Variants in SLC12A1 observed in about 807,000 individuals in gnomAD.
SLC12A1 encodes Na-K-2Cl cotransporter.
In SLC12A1, 89 loss-of-function variants were observed where a neutral mutation model predicts 130.4. The ratio of observed to expected loss-of-function variants is 0.68; its 90% CI spans 0.58 to 0.81. The LOEUF (loss-of-function observed/expected upper bound fraction) is 0.81, where lower values mean the gene tolerates loss of function less well. SLC12A1 is among the 40% of genes least tolerant of loss of function. The pLI is 0.00. For missense variants in SLC12A1, 1,310 were observed against 1,336.4 expected, an observed-to-expected ratio of 0.98 and a Z score of 0.31; for synonymous variants, 499 against 460.0, an observed-to-expected ratio of 1.08 and a Z score of -1.09.
chr15:48,301,419 T>C, intron 26 of SLC12A1, 37 bp downstream of exon 26: 1 of 1,425,958 alleles, frequency 7.0e-7, no homozygotes, highest in African/African-American at 1.4e-5. Context: ...ACATTAGAAA[T>C]AAATCTTAGG....
Position 48,262,140 on chromosome 15 carries a change from G to C in SLC12A1, c.2154+2829G>C, listed in dbSNP as rs145292340. Among the ~76,000 whole-genome samples, 740 of 152,166 alleles carry C rather than the reference G, an allele frequency of 4.9e-3. 8 individuals carry two copies. Among genetic ancestry groups the C allele is most frequent in the Middle Eastern group, 0.044 (13 of 294 alleles). On this transcript the variant is annotated intron_variant, in intron 17 of 26. Transcript: ENST00000380993. ...CTAAAGCATGCCTTCTTAGAAAAAT[G>C]AGGTCCAGACACTGGATTTTGAACT...
chr15:48,292,542 G>A (rs1431979419), intron 24 of SLC12A1, among the ~76,000 whole-genome samples: 1 of 152,158 alleles, frequency 6.6e-6, no homozygotes, highest in Non-Finnish European at 1.5e-5. Context: ...AGCTCAGGCT[G>A]CTATACCAAA....
intron 9 of SLC12A1, among the ~76,000 whole-genome samples, chr15:48,238,764 T>C (rs1477047376): frequency 6.6e-6 from 1 of 152,174 alleles, no homozygotes; most frequent in Non-Finnish European, 1.5e-5. Flanking sequence ...TGATCTCCGC[T>C]CACAGCCTCA....
intron 18 of SLC12A1, among the ~76,000 whole-genome samples, chr15:48,269,113 A>G (rs2041864747): frequency 6.6e-6 from 1 of 152,212 alleles, no homozygotes. Flanking sequence ...TCATCTAATG[A>G]AGGGAAACAA....
chr15:48,207,541 G>T lies in SLC12A1; in HGVS notation c.-179G>T. 4.4e-6 allele frequency: 2 copies of T among 452,218 alleles called. No individual in the cohort carries two copies. Among genetic ancestry groups the T allele is most frequent in the Non-Finnish European group, 7.6e-6 (2 of 264,472 alleles). The allele number at this position is 452,218 out of a possible 1,614,324, so 28.0% of individuals were successfully genotyped here. ...TTTCTTTTTCAATGACAGCTTTGAAGAACATCCTGAAGATTATATCGGAGA... is the reference window on the plus strand; with the variant it reads ...TTTCTTTTTCAATGACAGCTTTGAATAACATCCTGAAGATTATATCGGAGA... On this transcript the variant is annotated 5_prime_UTR_variant, in exon 2 of 27. Transcript: ENST00000380993.
intron 17 of SLC12A1, among the ~76,000 whole-genome samples, chr15:48,265,745 G>C (rs150117814): frequency 6.6e-6 from 1 of 152,092 alleles, no homozygotes; most frequent in African/African-American, 2.4e-5. Flanking sequence ...GAAAAAATAA[G>C]AATATAAAGA....
chr15:48,252,556 C>A (rs1270431523), intron 15 of SLC12A1, among the ~76,000 whole-genome samples: 1 of 152,050 alleles, frequency 6.6e-6, no homozygotes, highest in Non-Finnish European at 1.5e-5. Flanking sequence ...GTAATATGAG[C>A]AAATTGCTGA....
chr15:48,217,519 A>G (rs1170452864), intron 2 of SLC12A1, among the ~76,000 whole-genome samples: 3 of 152,196 alleles, frequency 2.0e-5, no homozygotes, highest in African/African-American at 7.2e-5. Flanking sequence ...TCAGGTAATT[A>G]AAAGCTAAAT....
At chr15:48,229,123 T>A in intron 5 of SLC12A1, 66 bp from the exon 6 acceptor site, 2 of 1,476,994 alleles carry the variant, frequency 1.4e-6, no homozygotes, top group South Asian at 2.5e-5. Flanking sequence ...TCTCAGATAG[T>A]CACAATCGTT....
intron 2 of SLC12A1, chr15:48,217,960 C>T (rs1367632500): frequency 1.2e-5 from 1 of 85,674 alleles, no homozygotes; most frequent in African/African-American, 4.3e-5. Context: ...GTGCATGCCA[C>T]CACACGCAGG....
At chr15:48,244,239 A>G (rs1284700165) in intron 10 of SLC12A1, among the ~76,000 whole-genome samples, 1 of 152,220 alleles carries the variant, frequency 6.6e-6, no homozygotes, top group Non-Finnish European at 1.5e-5. Flanking sequence ...TGTTTAAACC[A>G]TTAAAACCGC....
intron 12 of SLC12A1, 111 bp downstream of exon 12, chr15:48,247,127 C>A: frequency 9.6e-7 from 1 of 1,040,492 alleles, no homozygotes; most frequent in Non-Finnish European, 1.5e-6. Flanking sequence ...TTTTCTGAAA[C>A]AGTTAATGTT....
intron 2 of SLC12A1, among the ~76,000 whole-genome samples, chr15:48,220,133 A>G (rs1359863544): frequency 1.6e-4 from 18 of 109,716 alleles, no homozygotes; most frequent in African/African-American, 1.0e-3. Flanking sequence ...AAAAAAAGGT[A>G]GATAGATAGA....
intron 8 of SLC12A1, among the ~76,000 whole-genome samples, chr15:48,234,024 T>C (rs1389104344): frequency 1.3e-5 from 2 of 152,202 alleles, no homozygotes; most frequent in African/African-American, 4.8e-5. Context: ...GAGGATTTGG[T>C]ATAAGCAGCT....
intron 20 of SLC12A1, among the ~76,000 whole-genome samples, chr15:48,284,608 C>T (rs1845513364): frequency 6.6e-6 from 1 of 152,278 alleles, no homozygotes; most frequent in African/African-American, 2.4e-5. Flanking sequence ...GTTGTGACAA[C>T]TTTCTGAATA....
At position 48,230,377 on chromosome 15, in the gene SLC12A1, T is replaced by C. The variant is rs1298839150; in HGVS notation, c.865-16T>C. 9.1e-6 allele frequency: 14 copies of C among 1,536,386 alleles called. No individual in the cohort carries two copies. The highest frequency in any genetic ancestry group is 2.3e-5 in the South Asian group (2 of 87,066). ...AAAAGCTGTATCTCTAAGCACTTAA[T>C]AATTTGTTTCCCCAGGAGAGTGATT... is the stretch of plus-strand genomic sequence containing the variant. On this transcript the variant is annotated splice_polypyrimidine_tract_variant and intron_variant, in intron 6 of 26. Transcript: ENST00000380993.
chr15:48,291,849 G>T lies in SLC12A1; in HGVS notation c.2945G>T (p.Arg982Met), dbSNP rs2042124872. ...CATATCATCGGTGACATCAACATTA[G>T]GCCAAACAAAGAGAGGTATGAAATA... ...DIHIIGDINI[R>M]PNKESWKVFE... Residue 982 changes from arginine to methionine, a missense_variant, in exon 24 of 27, where the codon AGG becomes ATG. Arg to Met is a moderately conservative substitution (Grantham distance 91). Coordinates refer to ENST00000380993, the MANE Select transcript of SLC12A1 (RefSeq NM_000338.3). 6.4e-7 allele frequency: 1 copy of T among 1,564,658 alleles called. No individual in the cohort carries two copies. Among genetic ancestry groups the T allele is most frequent in the Non-Finnish European group, 8.7e-7 (1 of 1,151,506 alleles).
At chr15:48,294,494 G>T (rs1271154598) in intron 24 of SLC12A1, among the ~76,000 whole-genome samples, 1 of 151,932 alleles carries the variant, frequency 6.6e-6, no homozygotes, top group African/African-American at 2.4e-5. Flanking sequence ...TATTTCTACA[G>T]TTGTAAATAC....
chr15:48,261,563 T>A (rs1028495109), intron 17 of SLC12A1, among the ~76,000 whole-genome samples: 7 of 152,214 alleles, frequency 4.6e-5, no homozygotes, highest in Non-Finnish European at 7.3e-5. Context: ...TTGTATGAGC[T>A]CCTGGGGCTG....
Sources: allele counts gnomAD v4.1 joint callset (sites outside exome capture counted in the v4.1 genomes callset), GRCh38; gene constraint gnomAD v4.1.1; transcripts MANE v1.5; gene names NCBI Gene and HGNC (gene_info 2026-07-23, HGNC 2026-07-21).